Variants in TMEM114 observed in about 807,000 individuals in gnomAD.
The protein encoded by TMEM114 is claudin-26.
TMEM114 carries 6 observed loss-of-function variants against 6.2 expected under a neutral mutation model. The observed-to-expected ratio is 0.97, with a 90% confidence interval of 0.53 to 1.91. The LOEUF (loss-of-function observed/expected upper bound fraction) is 1.91. Ranked by LOEUF, TMEM114 falls within the 40% of genes most tolerant of loss-of-function variation. The pLI, the probability that TMEM114 is intolerant of heterozygous loss-of-function variation, is 0.01. For synonymous variants in TMEM114, 104 were observed against 73.0 expected, an observed-to-expected ratio of 1.42 and a Z score of -2.16; for missense variants, 218 against 158.3, an observed-to-expected ratio of 1.38 and a Z score of -2.02.
intron 2 of TMEM114, among the ~76,000 whole-genome samples, chr16:8,586,494 G>A (rs774618371): frequency 4.4e-4 from 67 of 151,834 alleles, no homozygotes; most frequent in Non-Finnish European, 7.5e-4. Flanking sequence ...TTCCATGACC[G>A]GAATTCTTAT....
At chr16:8,547,268 G>T (rs1044538196) in intron 2 of TMEM114, among the ~76,000 whole-genome samples, 6 of 152,134 alleles carry the variant, frequency 3.9e-5, no homozygotes, top group Admixed American at 3.9e-4. Flanking sequence ...GCATCAACCA[G>T]GATTTCTCCA....
intron 2 of TMEM114, among the ~76,000 whole-genome samples, chr16:8,582,073 C>T (rs1039214832): frequency 4.6e-5 from 7 of 152,222 alleles, no homozygotes; most frequent in Non-Finnish European, 1.0e-4. Flanking sequence ...GTCACTGCAA[C>T]AGCCCAGCAC....
chr16:8,539,849 G>A (rs1006020292), intron 2 of TMEM114, among the ~76,000 whole-genome samples: 4 of 151,614 alleles, frequency 2.6e-5, no homozygotes, highest in South Asian at 2.1e-4. Context: ...ACAGAGTCTC[G>A]CTCTGCCACC....
At chr16:8,555,433 G>A (rs902691392) in intron 2 of TMEM114, among the ~76,000 whole-genome samples, 2 of 151,598 alleles carry the variant, frequency 1.3e-5, no homozygotes, top group Non-Finnish European at 2.9e-5. Context: ...TTAAGGAGCA[G>A]CCTTTCAGAA....
At position 8,582,661 on chromosome 16, in the gene TMEM114, G is replaced by A. The variant is rs761592646; in HGVS notation, c.301+6552C>T. On this transcript the variant is annotated intron_variant, in intron 2 of 3. Transcript: ENST00000620492. ...TCCCAGCACTTTGGGAGGCCGAGGC[G>A]GGTGGATCACTTGAGGTCAAGAGTT... Among the ~76,000 whole-genome samples, 30 of 152,124 alleles carry A rather than the reference G, an allele frequency of 2.0e-4. No homozygotes were observed. In the East Asian group the frequency reaches 2.5e-3, roughly 13 times the overall value.
chr16:8,566,166 C>T (rs952403893), downstream of TMEM114, among the ~76,000 whole-genome samples: 8 of 152,052 alleles, frequency 5.3e-5, no homozygotes, highest in Non-Finnish European at 1.0e-4. Context: ...CTCAGGAGAT[C>T]GAGACCATCC....
chr16:8,551,964 G>C (rs1416595778), intron 2 of TMEM114, among the ~76,000 whole-genome samples: 1 of 152,216 alleles, frequency 6.6e-6, no homozygotes, highest in Non-Finnish European at 1.5e-5. Context: ...TATGCTGAGT[G>C]AAGAAAAGCC....
chr16:8,562,074 G>GA (rs1901243157), intron 2 of TMEM114, among the ~76,000 whole-genome samples: 1 of 151,428 alleles, frequency 6.6e-6, no homozygotes, highest in Admixed American at 6.6e-5. Context: ...GTAAATGAGT[G>GA]AGTGAATGAA....
intron 2 of TMEM114, among the ~76,000 whole-genome samples, chr16:8,542,373 A>G (rs1900540611): frequency 6.6e-6 from 1 of 152,160 alleles, no homozygotes; most frequent in Admixed American, 6.5e-5. Flanking sequence ...ATTTTTAAAG[A>G]AACCCAGATA....
intron 2 of TMEM114, among the ~76,000 whole-genome samples, chr16:8,556,496 G>C (rs181769773): frequency 1.0e-3 from 152 of 147,626 alleles, no homozygotes; most frequent in Non-Finnish European, 1.8e-3. Context: ...TTTATTTGTC[G>C]TTGTTGTTGT....
At chr16:8,539,866 G>T (rs114492252) in intron 2 of TMEM114, among the ~76,000 whole-genome samples, 1,815 of 152,170 alleles carry the variant, frequency 0.012, 36 homozygotes, top group African/African-American at 0.042. Flanking sequence ...CACCCAGGCT[G>T]GAATGCAGTG....
At chr16:8,586,183 G>A (rs1428778501) in intron 2 of TMEM114, among the ~76,000 whole-genome samples, 1 of 152,204 alleles carries the variant, frequency 6.6e-6, no homozygotes, top group East Asian at 1.9e-4. Flanking sequence ...TGGAAGGAGG[G>A]GCAAAGGGAG....
At chr16:8,555,733 C>G (rs1160641962) in intron 2 of TMEM114, among the ~76,000 whole-genome samples, 1 of 152,188 alleles carries the variant, frequency 6.6e-6, no homozygotes, top group African/African-American at 2.4e-5. Flanking sequence ...CTGGCAATAT[C>G]TGGAGACGTT....
chr16:8,527,810 G>C, the TMEM114 span, among the ~76,000 whole-genome samples: 1 of 152,156 alleles, frequency 6.6e-6, no homozygotes, highest in East Asian at 1.9e-4. Context: ...CCCAATACAG[G>C]ATGTGGAGTT....
chr16:8,530,530 G>C, the TMEM114 span, among the ~76,000 whole-genome samples: 10 of 151,806 alleles, frequency 6.6e-5, no homozygotes, highest in African/African-American at 2.4e-4. Context: ...AAGGAAAGAA[G>C]GAGACAGGGA....
At chr16:8,551,683 G>A (rs377003825) in intron 2 of TMEM114, among the ~76,000 whole-genome samples, 4 of 152,214 alleles carry the variant, frequency 2.6e-5, no homozygotes, top group Non-Finnish European at 5.9e-5. Context: ...ACCTTTCATA[G>A]AGTAGCGCAA....
chr16:8,529,552 G>A, the TMEM114 span, among the ~76,000 whole-genome samples: 6 of 152,116 alleles, frequency 3.9e-5, no homozygotes, highest in Non-Finnish European at 2.9e-5. Flanking sequence ...TTTAAATGCT[G>A]ATTCCCAGAT....
chr16:8,576,754 G>T (rs544795561), intron 2 of TMEM114, among the ~76,000 whole-genome samples: 1 of 132,344 alleles, frequency 7.6e-6, no homozygotes, highest in Non-Finnish European at 1.6e-5. Context: ...AAGGAAGGAA[G>T]GAAGGAAGGA....
At chr16:8,581,950 G>A (rs559484643) in intron 2 of TMEM114, among the ~76,000 whole-genome samples, 1 of 152,208 alleles carries the variant, frequency 6.6e-6, no homozygotes, top group Non-Finnish European at 1.5e-5. Context: ...CTCCCTCCTG[G>A]GCTCAGGCAG....
Sources: gnomAD v4.1 joint callset for allele counts (sites outside exome capture counted in the v4.1 genomes callset) on GRCh38, gnomAD v4.1.1 for gene constraint, MANE v1.5 for transcripts, NCBI Gene and HGNC (gene_info 2026-07-23, HGNC 2026-07-21) for gene names.